Variants in PLCG2 observed in about 807,000 individuals in gnomAD.
PLCG2 encodes the protein phospholipase C gamma 2, also known as 1-phosphatidylinositol 4,5-bisphosphate phosphodiesterase gamma-2.
Under a neutral mutation model 175.6 loss-of-function variants are expected in PLCG2, and 69 were observed. The ratio of observed to expected loss-of-function variants is 0.39; its 90% confidence interval spans 0.32 to 0.48. PLCG2 has a LOEUF of 0.48. Among genes scored for constraint, PLCG2 ranks in the 20% least tolerant of loss-of-function variants. The pLI is 0.91. For synonymous variants in PLCG2, 827 were observed against 624.0 expected (o/e 1.33, Z -4.85); for missense variants, 1,798 against 1,650.9 (o/e 1.09, Z -1.54).
chr16:81,941,582 C>T (rs563154292), intron 30 of PLCG2, among the ~76,000 whole-genome samples: 54 of 145,264 alleles, frequency 3.7e-4, no homozygotes, highest in Admixed American at 3.2e-3. Context: ...TTTTTTTGTA[C>T]TCTAGAAATG....
chr16:81,822,508 G>C lies in PLCG2; in HGVS notation c.194-31936G>C, dbSNP rs141192488. ...GCAGTGGCTCATGCCTGTAATCCCA[G>C]CACTTTGGGAGGCCGAGGCGGGTGG... On this transcript the variant is annotated intron_variant, in intron 2 of 32. Transcript: ENST00000564138. Among the ~76,000 whole-genome samples, 20 of 152,314 alleles carry C rather than the reference G, an allele frequency of 1.3e-4. No individual in the cohort carries two copies. The East Asian group carries it at 3.7e-3, about 28-fold the overall frequency.
intron 2 of PLCG2, among the ~76,000 whole-genome samples, chr16:81,821,740 C>T (rs916496759): frequency 6.6e-6 from 1 of 152,144 alleles, no homozygotes; most frequent in Non-Finnish European, 1.5e-5. Context: ...GATCTTTCTC[C>T]GCTAACTTGC....
At chr16:81,941,288 C>T (rs1012104524) in intron 30 of PLCG2, among the ~76,000 whole-genome samples, 1 of 152,184 alleles carries the variant, frequency 6.6e-6, no homozygotes, top group East Asian at 1.9e-4. Flanking sequence ...ATCCCAGCTA[C>T]TTGGAAGGCT....
chr16:81,907,791 G>A lies in PLCG2; in HGVS notation c.1557+17G>A. 6.3e-7 allele frequency: 1 copy of A among 1,587,910 alleles called. No homozygotes were observed. The highest frequency in any genetic ancestry group is 1.1e-5 in the South Asian group (1 of 90,390). ...GTGCCCCAGGTAGGGGGACACCCTAGCCACATAGGGAGGAGGTCCCCAGGA... is the reference window on the plus strand; with the variant it reads ...GTGCCCCAGGTAGGGGGACACCCTAACCACATAGGGAGGAGGTCCCCAGGA... On this transcript the variant is annotated intron_variant, in intron 16 of 32. Transcript: ENST00000564138.
At chr16:81,941,590 A>G (rs1332158137) in intron 30 of PLCG2, among the ~76,000 whole-genome samples, 1 of 151,412 alleles carries the variant, frequency 6.6e-6, no homozygotes, top group Non-Finnish European at 1.5e-5. Flanking sequence ...TACTCTAGAA[A>G]TGTTCATTTT....
At chr16:81,763,860 G>A (rs1422781278) in intron 2 of PLCG2, among the ~76,000 whole-genome samples, 10 of 151,954 alleles carry the variant, frequency 6.6e-5, no homozygotes, top group African/African-American at 1.7e-4. Flanking sequence ...TCAGCTACTC[G>A]GGAGGCTGAG....
intron 2 of PLCG2, chr16:81,756,039 C>T (rs1909918112): frequency 6.5e-6 from 1 of 153,728 alleles, no homozygotes; most frequent in African/African-American, 2.4e-5. Flanking sequence ...CGAGCCTGGC[C>T]TGTTTCCATG....
chr16:81,773,995 G>T (rs2143115968), intron 2 of PLCG2, among the ~76,000 whole-genome samples: 1 of 151,890 alleles, frequency 6.6e-6, no homozygotes, highest in South Asian at 2.1e-4. Context: ...TTTGTTGAAT[G>T]AATAAATGAG....
At chr16:81,825,119 C>T (rs938906022) in intron 2 of PLCG2, among the ~76,000 whole-genome samples, 1 of 152,106 alleles carries the variant, frequency 6.6e-6, no homozygotes, top group African/African-American at 2.4e-5. Flanking sequence ...CCAGCGAGAC[C>T]CGTTTTGGAA....
At chr16:81,862,167 CCTGA>C (rs1907015286) in intron 5 of PLCG2, among the ~76,000 whole-genome samples, 1 of 152,196 alleles carries the variant, frequency 6.6e-6, no homozygotes, top group Non-Finnish European at 1.5e-5. Flanking sequence ...AATCGTGTTT[CCTGA>C]AGGAAAACAA....
intron 2 of PLCG2, among the ~76,000 whole-genome samples, chr16:81,757,013 G>A (rs1168069025): frequency 6.6e-6 from 1 of 152,222 alleles, no homozygotes; most frequent in Admixed American, 6.5e-5. Flanking sequence ...AGGAAGTGTA[G>A]TGACTCTGTA....
intron 2 of PLCG2, among the ~76,000 whole-genome samples, chr16:81,804,551 C>T (rs1223315955): frequency 6.6e-6 from 1 of 152,158 alleles, no homozygotes; most frequent in Non-Finnish European, 1.5e-5. Flanking sequence ...ATCACTTCTG[C>T]TTTTTTTGTG....
intron 2 of PLCG2, among the ~76,000 whole-genome samples, chr16:81,797,837 CTT>C (rs35558572): frequency 6.9e-6 from 1 of 145,598 alleles, no homozygotes; most frequent in Admixed American, 6.8e-5. Context: ...TTTTTCTTGT[CTT>C]TTTTTTTTTT....
chr16:81,841,466 C>A (rs1905826376), intron 2 of PLCG2, among the ~76,000 whole-genome samples: 1 of 152,060 alleles, frequency 6.6e-6, no homozygotes, highest in East Asian at 1.9e-4. Context: ...GTTTCAAACT[C>A]CTGACCTCAA....
intron 7 of PLCG2, among the ~76,000 whole-genome samples, chr16:81,874,010 G>A (rs953372608): frequency 4.6e-5 from 7 of 152,172 alleles, no homozygotes; most frequent in African/African-American, 1.7e-4. Context: ...GCCCTAGATT[G>A]CCCCGTGTGG....
intron 2 of PLCG2, among the ~76,000 whole-genome samples, chr16:81,804,502 G>A (rs1276651638): frequency 6.6e-6 from 1 of 152,174 alleles, no homozygotes; most frequent in Admixed American, 6.6e-5. Flanking sequence ...TGGCAAGGAT[G>A]TGCTTCTTGG....
chr16:81,800,137 C>G (rs1053238904), intron 2 of PLCG2, among the ~76,000 whole-genome samples: 3 of 152,144 alleles, frequency 2.0e-5, no homozygotes, highest in Non-Finnish European at 4.4e-5. Flanking sequence ...ATGTATCATA[C>G]TTTGGGTATC....
At chr16:81,850,337 T>G (rs1906340975) in intron 2 of PLCG2, among the ~76,000 whole-genome samples, 1 of 152,200 alleles carries the variant, frequency 6.6e-6, no homozygotes, top group Non-Finnish European at 1.5e-5. Context: ...GTACTCAAGC[T>G]TCCCCCAGAT....
intron 1 of PLCG2, among the ~76,000 whole-genome samples, chr16:81,748,968 C>A (rs1909755176): frequency 6.6e-6 from 1 of 152,174 alleles, no homozygotes; most frequent in South Asian, 2.1e-4. Context: ...TCTCCAGGCA[C>A]TGAGGCCTGT....
Sources: allele counts gnomAD v4.1 joint callset (sites outside exome capture counted in the v4.1 genomes callset), GRCh38; gene constraint gnomAD v4.1.1; transcripts MANE v1.5; gene names NCBI Gene and HGNC (gene_info 2026-07-23, HGNC 2026-07-21).